The following ZFYVE28 variants were observed in gnomAD, a reference collection of about 807,000 sequenced individuals.
ZFYVE28 encodes the protein lateral signaling target protein 2 homolog.
Under a neutral mutation model 82.1 loss-of-function variants are expected in ZFYVE28, and 40 were observed. That is an observed-to-expected ratio of 0.49 (90% CI 0.38 to 0.63). The LOEUF (loss-of-function observed/expected upper bound fraction) is 0.63, where lower values mean the gene tolerates loss of function less well. ZFYVE28 is among the 30% of genes least tolerant of loss of function. The probability of loss-of-function intolerance (pLI) is 0.00; values close to 1 mark genes in which losing one functional copy is unlikely to be tolerated. For missense variants in ZFYVE28, 1,321 were observed against 1,242.1 expected, an observed-to-expected ratio of 1.06 and a Z score of -0.96; for synonymous variants, 612 against 546.1, an observed-to-expected ratio of 1.12 and a Z score of -1.68.
At chr4:2,375,007 T>G (rs1727968110) in intron 1 of ZFYVE28, among the ~76,000 whole-genome samples, 1 of 152,226 alleles carries the variant, frequency 6.6e-6, no homozygotes, top group Non-Finnish European at 1.5e-5. Flanking sequence ...AGAATCCTCC[T>G]AAGTCCTTGT....
At chr4:2,342,181 C>T (rs902476327) in intron 2 of ZFYVE28, among the ~76,000 whole-genome samples, 5 of 152,250 alleles carry the variant, frequency 3.3e-5, no homozygotes, top group Admixed American at 3.3e-4. Context: ...GGGCCTGCTC[C>T]TCCATCCAGG....
intron 1 of ZFYVE28, among the ~76,000 whole-genome samples, chr4:2,413,989 C>T (rs552825663): frequency 7.9e-5 from 12 of 152,384 alleles, no homozygotes; most frequent in Admixed American, 2.0e-4. Flanking sequence ...GAGGACTGGG[C>T]TGCGCCTCAT....
chr4:2,308,144 G>A (rs1197031083), intron 7 of ZFYVE28, among the ~76,000 whole-genome samples: 1 of 151,824 alleles, frequency 6.6e-6, no homozygotes, highest in African/African-American at 2.4e-5. Flanking sequence ...CTAAGAAATG[G>A]GGTCTTGTTC....
At chr4:2,361,662 G>GT (rs370815004) in intron 1 of ZFYVE28, among the ~76,000 whole-genome samples, 21 of 152,232 alleles carry the variant, frequency 1.4e-4, no homozygotes, top group African/African-American at 5.1e-4. Flanking sequence ...ACTCCTGAAG[G>GT]TAACTCATGG....
rs372263929 is a variant in ZFYVE28, at chr4:2,354,885, T to C, written c.40-812A>G. On this transcript the variant is annotated intron_variant, in intron 1 of 12. Coordinates refer to ENST00000290974, the MANE Select transcript of ZFYVE28 (RefSeq NM_020972.3). ...ACCATTTCCCATGATTCAGAAACAA[T>C]TTGCCACACACCCCCCACTTCTCTA... Among the ~76,000 whole-genome samples, 13 of 151,922 alleles carry C rather than the reference T, an allele frequency of 8.6e-5. No homozygotes were observed. The East Asian group carries it at 1.9e-3, about 23-fold the overall frequency.
chr4:2,386,058 T>C (rs900587762), intron 1 of ZFYVE28, among the ~76,000 whole-genome samples: 3 of 152,128 alleles, frequency 2.0e-5, no homozygotes, highest in African/African-American at 7.2e-5. Flanking sequence ...AACCCCACAA[T>C]TTCTTCCCTT....
intron 7 of ZFYVE28, chr4:2,316,454 G>A (rs534731267): frequency 2.0e-4 from 30 of 152,488 alleles, no homozygotes; most frequent in Non-Finnish European, 2.6e-4. Flanking sequence ...GTGACCCTCC[G>A]GCCTCAGCCT....
At chr4:2,363,943 C>T (rs2108896380) in intron 1 of ZFYVE28, among the ~76,000 whole-genome samples, 1 of 152,350 alleles carries the variant, frequency 6.6e-6, no homozygotes, top group African/African-American at 2.4e-5. Flanking sequence ...CATTTCAAAG[C>T]CACTCACCCT....
intron 11 of ZFYVE28, 106 bp from the exon 12 acceptor site, chr4:2,271,520 T>C: frequency 6.9e-7 from 1 of 1,448,392 alleles, no homozygotes; most frequent in Admixed American, 1.7e-5. Context: ...CCAAGCCGCC[T>C]GGCCTCCAGC....
rs776131659 is a variant in ZFYVE28, at chr4:2,305,311, C to T, written c.1029G>A (p.Glu343=). The stretch of plus-strand genomic sequence containing the variant: ...CCCTGTGGACCATGCGGCTGAGCTG[C>T]TCCAGCTCCTGGTCGTCGTACTGCA... ...CSMQYDDQEL[E]QLSRMVHRAG... Residue 343 remains glutamate, a synonymous_variant, in exon 8 of 13, where the codon GAG becomes GAA. Coordinates refer to ENST00000290974, the MANE Select transcript of ZFYVE28 (RefSeq NM_020972.3). The T allele has an allele frequency of 1.1e-5, 18 of 1,612,942 alleles. No homozygotes were observed. The highest frequency in any genetic ancestry group is 2.7e-5 in the African/African-American group (2 of 74,952).
intron 1 of ZFYVE28, among the ~76,000 whole-genome samples, chr4:2,397,783 C>T (rs1471160665): frequency 1.3e-5 from 2 of 152,094 alleles, no homozygotes; most frequent in Non-Finnish European, 2.9e-5. Flanking sequence ...AATATTCCAC[C>T]GCATGAACAC....
At chr4:2,301,644 G>A (rs1715542385) in intron 8 of ZFYVE28, among the ~76,000 whole-genome samples, 1 of 86,032 alleles carries the variant, frequency 1.2e-5, no homozygotes, top group African/African-American at 5.0e-5. Context: ...GCGTCCACTG[G>A]CTGTCACCTG....
intron 1 of ZFYVE28, among the ~76,000 whole-genome samples, chr4:2,386,630 C>T (rs1220872373): frequency 6.6e-6 from 1 of 152,212 alleles, no homozygotes; most frequent in Non-Finnish European, 1.5e-5. Context: ...GCCCCCTAGC[C>T]ACGTGATGCC....
chr4:2,408,089 CT>C lies in ZFYVE28; in HGVS notation c.39+10195del, dbSNP rs1732116111. ...CCAGGTGACCCTGTGCTGAAGTGGC[CT>C]ATGGGGCTTTCCTGGCCCCCTGGCC... On this transcript the variant is annotated intron_variant, in intron 1 of 12. Coordinates refer to ENST00000290974, the MANE Select transcript of ZFYVE28 (RefSeq NM_020972.3). This position sits in a 1 kb window ranked among gnomAD's most constrained non-coding sequence, Gnocchi z 4.3. 6.6e-6 allele frequency among the ~76,000 whole-genome samples: 1 copy of C among 152,194 alleles called. No homozygotes were observed. The highest frequency in any genetic ancestry group is 2.4e-5 in the African/African-American group (1 of 41,446).
intron 7 of ZFYVE28, among the ~76,000 whole-genome samples, chr4:2,310,733 G>A (rs1717355892): frequency 1.3e-5 from 2 of 152,190 alleles, no homozygotes; most frequent in Non-Finnish European, 2.9e-5. Flanking sequence ...GAGCCTGGGA[G>A]GCAGAGATTG....
At position 2,360,200 on chromosome 4, in the gene ZFYVE28, G is replaced by A. The variant is rs143440634; in HGVS notation, c.40-6127C>T. On this transcript the variant is annotated intron_variant, in intron 1 of 12. Coordinates refer to ENST00000290974, the MANE Select transcript of ZFYVE28 (RefSeq NM_020972.3). ...ACAGGGAAGCTCCGAGTGTCTTCAC[G>A]ACCACGAGGAACAACACTCACCACA... is the stretch of plus-strand genomic sequence containing the variant. Among the ~76,000 whole-genome samples the A allele has an allele frequency of 3.4e-4, 51 of 150,758 alleles. 1 individual carries two copies. In the East Asian group the frequency reaches 9.0e-3, roughly 27 times the overall value.
Position 2,280,318 on chromosome 4 carries a change from G to A in ZFYVE28, c.2052-6102C>T, listed in dbSNP as rs369816043. 1.9e-4 allele frequency among the ~76,000 whole-genome samples: 29 copies of A among 152,184 alleles called. No individual in the cohort carries two copies. The South Asian group carries it at 5.2e-3, about 27-fold the overall frequency. ...AGGCCAGGAGTTCAAGACCAGTCTG[G>A]GCAACATGACAAGACCTCTGTCTCT... On this transcript the variant is annotated intron_variant, in intron 8 of 12. Transcript: ENST00000290974.
intron 8 of ZFYVE28, among the ~76,000 whole-genome samples, chr4:2,277,827 T>TTTTA (rs1736612423): frequency 6.6e-6 from 1 of 151,894 alleles, no homozygotes; most frequent in Admixed American, 6.6e-5. Context: ...CTTGCAAAAA[T>TTTTA]GGACAATATG....
At chr4:2,289,785 G>A (rs780133576) in intron 8 of ZFYVE28, among the ~76,000 whole-genome samples, 1 of 152,118 alleles carries the variant, frequency 6.6e-6, no homozygotes, top group Non-Finnish European at 1.5e-5. Context: ...CCTGTGCATC[G>A]TGCTCCAGGA....
Sources: allele counts gnomAD v4.1 joint callset (sites outside exome capture counted in the v4.1 genomes callset), GRCh38; gene constraint gnomAD v4.1.1; non-coding constraint Gnocchi (gnomAD v3.1); transcripts MANE v1.5; gene names NCBI Gene and HGNC (gene_info 2026-07-23, HGNC 2026-07-21).